GABRB2: variants seen among roughly 807,000 people sequenced by gnomAD.
The protein encoded by GABRB2 is gamma-aminobutyric acid receptor subunit beta-2.
In GABRB2, 16 loss-of-function variants were observed where a neutral mutation model predicts 54.7. The ratio of observed to expected loss-of-function variants is 0.29; its 90% CI spans 0.20 to 0.44. GABRB2 has a LOEUF of 0.44. Among genes scored for constraint, GABRB2 ranks in the 20% least tolerant of loss-of-function variants. The probability of loss-of-function intolerance (pLI) is 1.00; values close to 1 mark genes in which losing one functional copy is unlikely to be tolerated. For synonymous variants in GABRB2, 244 were observed against 233.8 expected (o/e 1.04, Z -0.40); for missense variants, 355 against 644.0 (o/e 0.55, Z 4.86).
At chr5:161,387,780 C>T (rs571298349) in intron 5 of GABRB2, among the ~76,000 whole-genome samples, 2 of 152,146 alleles carry the variant, frequency 1.3e-5, no homozygotes, top group Admixed American at 1.3e-4. Flanking sequence ...TATTTAAAAA[C>T]TTAGCTTAAA....
intron 7 of GABRB2, among the ~76,000 whole-genome samples, chr5:161,332,651 A>G (rs1392931292): frequency 6.6e-6 from 1 of 152,244 alleles, no homozygotes; most frequent in Non-Finnish European, 1.5e-5. Flanking sequence ...GGAAAGTTAT[A>G]GAGTTGCCAT....
intron 4 of GABRB2, among the ~76,000 whole-genome samples, chr5:161,425,034 T>C (rs1430884233): frequency 6.6e-6 from 1 of 152,166 alleles, no homozygotes; most frequent in Non-Finnish European, 1.5e-5. Flanking sequence ...CTTGAAGATG[T>C]GACTGAATTT....
intron 3 of GABRB2, among the ~76,000 whole-genome samples, chr5:161,537,948 T>C (rs1450154606): frequency 6.6e-6 from 1 of 151,884 alleles, no homozygotes; most frequent in African/African-American, 2.4e-5. Flanking sequence ...TTCTTTCTGC[T>C]TGGAACATCT....
At chr5:161,477,951 A>T (rs1024810953) in intron 3 of GABRB2, among the ~76,000 whole-genome samples, 1 of 152,056 alleles carries the variant, frequency 6.6e-6, no homozygotes, top group Admixed American at 6.6e-5. Context: ...TATTAGGGAC[A>T]TTCGTTAATT....
chr5:161,308,733 T>C (rs537556646), intron 9 of GABRB2, among the ~76,000 whole-genome samples: 2 of 152,272 alleles, frequency 1.3e-5, no homozygotes, highest in African/African-American at 4.8e-5. Context: ...TCTGATCTTC[T>C]ACAAACCTGA....
chr5:161,404,598 T>C (rs187782895), intron 5 of GABRB2, among the ~76,000 whole-genome samples: 1 of 152,216 alleles, frequency 6.6e-6, no homozygotes, highest in East Asian at 1.9e-4. Flanking sequence ...AGAAAAATAT[T>C]AGAGTTTTAG....
chr5:161,396,617 G>GT (rs1325081684), intron 5 of GABRB2, among the ~76,000 whole-genome samples: 2 of 152,072 alleles, frequency 1.3e-5, no homozygotes, highest in Non-Finnish European at 1.5e-5. Context: ...CAGGATGCCT[G>GT]TTTTTTGAGC....
At chr5:161,496,782 A>G (rs568407963) in intron 3 of GABRB2, among the ~76,000 whole-genome samples, 5 of 152,118 alleles carry the variant, frequency 3.3e-5, no homozygotes, top group African/African-American at 1.2e-4. Context: ...GGATAATGTG[A>G]TATTTTTCTT....
intron 4 of GABRB2, among the ~76,000 whole-genome samples, chr5:161,421,222 C>T (rs1368453209): frequency 6.6e-6 from 1 of 152,168 alleles, no homozygotes; most frequent in East Asian, 1.9e-4. Flanking sequence ...TTAAGGACCA[C>T]CACCTGTGAA....
rs537860702 is a variant in GABRB2, at chr5:161,425,810, T to C, written c.459-14753A>G. Among the ~76,000 whole-genome samples the C allele has an allele frequency of 3.0e-4, 46 of 152,272 alleles. No individual in the cohort carries two copies. In the South Asian group the frequency reaches 8.5e-3, roughly 28 times the overall value. ...TAGCTTACATTTTTCATAGAAATAA[T>C]GGGGTACCATCTTTCTCCTAGCAAA... On this transcript the variant is annotated intron_variant, in intron 4 of 9. Coordinates refer to ENST00000393959, the MANE Select transcript of GABRB2 (RefSeq NM_001371727.1).
rs2113490797 is a variant in GABRB2, at chr5:161,546,588, A to G, written c.56T>C (p.Ile19Thr). 6.2e-7 allele frequency: 1 copy of G among 1,600,450 alleles called. No homozygotes were observed. The highest frequency in any genetic ancestry group is 8.5e-7 in the Non-Finnish European group (1 of 1,172,850). The part of the protein sequence containing the change: ...YFGIWSFPLI[I>T]AAVCAQSVND... ...TTACCTCTGCGCACAGACAGCGGCG[A>G]TTATTAAGGGGAAGGACCAAATCCC... Residue 19 changes from isoleucine to threonine, a missense_variant, in exon 1 of 10, where the codon ATC becomes ACC. This residue lies in a region of GABRB2 where 42 missense variants were observed against 43.0 expected (regional missense o/e 0.98). Transcript: ENST00000393959.
At position 161,463,549 on chromosome 5, in the gene GABRB2, TTTTATTTATATATATATA is replaced by T. The variant is rs1372692111; in HGVS notation, c.238-3723_238-3706del. 3.9e-3 allele frequency among the ~76,000 whole-genome samples: 210 copies of T among 54,480 alleles called. 8 individuals are homozygous for T. The highest frequency in any genetic ancestry group is 0.02 in the South Asian group (20 of 1,016). 35.7% of individuals were successfully genotyped at this position (54,480 alleles called of 152,430 possible). Reference sequence around the variant, plus strand: ...ATGTTGACAAGGTGATTCCAAATATTTTTATTTATATATATATATATATATATATATATATATATATAT... The same window carrying T: ...ATGTTGACAAGGTGATTCCAAATATTTATATATATATATATATATATATAT... On this transcript the variant is annotated intron_variant, in intron 3 of 9. Coordinates refer to ENST00000393959, the MANE Select transcript of GABRB2 (RefSeq NM_001371727.1).
intron 5 of GABRB2, among the ~76,000 whole-genome samples, chr5:161,380,617 T>C (rs1275762814): frequency 6.6e-6 from 1 of 151,914 alleles, no homozygotes; most frequent in African/African-American, 2.4e-5. Context: ...GTTTAGAACA[T>C]GCAATGCTCT....
At chr5:161,386,303 A>T (rs1332856317) in intron 5 of GABRB2, among the ~76,000 whole-genome samples, 2 of 152,136 alleles carry the variant, frequency 1.3e-5, no homozygotes. Flanking sequence ...TTTCGATGTC[A>T]TTCAATTATC....
At chr5:161,392,603 T>C (rs1325021405) in intron 5 of GABRB2, among the ~76,000 whole-genome samples, 1 of 152,196 alleles carries the variant, frequency 6.6e-6, no homozygotes, top group East Asian at 1.9e-4. Context: ...TTGTTTAACT[T>C]CTCTGTGTTT....
intron 3 of GABRB2, among the ~76,000 whole-genome samples, chr5:161,514,754 T>C (rs148812406): frequency 6.6e-6 from 1 of 152,318 alleles, no homozygotes; most frequent in Non-Finnish European, 1.5e-5. Context: ...TCAGCCAAGA[T>C]TAATGTCTAC....
chr5:161,370,959 G>GT (rs1025777528), intron 5 of GABRB2, among the ~76,000 whole-genome samples: 91 of 152,258 alleles, frequency 6.0e-4, no homozygotes, highest in African/African-American at 2.0e-3. Flanking sequence ...TTCCTAACCT[G>GT]TTTTTCAAAA....
At chr5:161,318,527 G>A (rs1041401078) in intron 9 of GABRB2, among the ~76,000 whole-genome samples, 1 of 151,876 alleles carries the variant, frequency 6.6e-6, no homozygotes, top group Non-Finnish European at 1.5e-5. Context: ...ACTTAAATTT[G>A]TTATGCTCTA....
chr5:161,503,406 G>A (rs1477886952), intron 3 of GABRB2, among the ~76,000 whole-genome samples: 1 of 152,110 alleles, frequency 6.6e-6, no homozygotes, highest in Non-Finnish European at 1.5e-5. Context: ...AAAAGAAATA[G>A]TAATAAGGTT....
Sources: gnomAD v4.1 joint callset for allele counts (sites outside exome capture counted in the v4.1 genomes callset) on GRCh38, gnomAD v4.1.1 for gene constraint, gnomAD v4.1.1 regional missense constraint, MANE v1.5 for transcripts, NCBI Gene and HGNC (gene_info 2026-07-23, HGNC 2026-07-21) for gene names.